Variants in TNFSF4 observed in about 807,000 individuals in gnomAD.
The protein encoded by TNFSF4 is TNF superfamily member 4, also known as tumor necrosis factor ligand superfamily member 4.
TNFSF4 carries 4 observed loss-of-function variants against 7.3 expected under a neutral mutation model. That is an observed-to-expected ratio of 0.55 (90% CI 0.27 to 1.25). The LOEUF (loss-of-function observed/expected upper bound fraction) is 1.25. Among genes scored for constraint, TNFSF4 ranks in the 50% most tolerant of loss-of-function variants. The pLI is 0.12. For synonymous variants in TNFSF4, 76 were observed against 83.7 expected (o/e 0.91, Z 0.50); for missense variants, 181 against 208.8 (o/e 0.87, Z 0.82).
At chr1:173,306,139 TC>T in the TNFSF4 span, among the ~76,000 whole-genome samples, 1 of 151,928 alleles carries the variant, frequency 6.6e-6, no homozygotes, top group South Asian at 2.1e-4. Flanking sequence ...GGAGATTTTT[TC>T]CCCTTTCTTA....
At chr1:173,324,787 AG>A in the TNFSF4 span, among the ~76,000 whole-genome samples, 2 of 152,244 alleles carry the variant, frequency 1.3e-5, no homozygotes, top group Admixed American at 6.5e-5. Flanking sequence ...ATAATGGTAA[AG>A]GGATCAATTC....
the TNFSF4 span, among the ~76,000 whole-genome samples, chr1:173,281,560 T>A: frequency 6.6e-6 from 1 of 152,130 alleles, no homozygotes; most frequent in African/African-American, 2.4e-5. Context: ...CCCTTTAAAT[T>A]ATAAAAATAT....
At chr1:173,223,769 C>T in the TNFSF4 span, among the ~76,000 whole-genome samples, 1 of 151,914 alleles carries the variant, frequency 6.6e-6, no homozygotes, top group Non-Finnish European at 1.5e-5. Context: ...ACAATTCAAA[C>T]GAGTAGGAAA....
At chr1:173,264,317 C>CTTTTTTTTTT in the TNFSF4 span, among the ~76,000 whole-genome samples, 1 of 110,538 alleles carries the variant, frequency 9.0e-6, no homozygotes, top group Non-Finnish European at 1.7e-5. Flanking sequence ...CTGGCTTCTT[C>CTTTTTTTTTT]TTTTTTTTTT....
chr1:173,364,225 G>GTATATATATATATATATA, the TNFSF4 span, among the ~76,000 whole-genome samples: 82 of 143,600 alleles, frequency 5.7e-4, no homozygotes, highest in African/African-American at 1.2e-3. Flanking sequence ...AGAAGACTAG[G>GTATATATATATATATATA]TATATATATA....
At chr1:173,266,595 T>C in the TNFSF4 span, among the ~76,000 whole-genome samples, 126 of 152,296 alleles carry the variant, frequency 8.3e-4, 1 homozygote, top group East Asian at 0.023. Context: ...TTCTTCATGT[T>C]CTCTGTGAAT....
the TNFSF4 span, among the ~76,000 whole-genome samples, chr1:173,330,121 A>G: frequency 6.6e-6 from 1 of 152,184 alleles, no homozygotes; most frequent in Non-Finnish European, 1.5e-5. Flanking sequence ...CAATTTGGAG[A>G]AAAATAGGGA....
the TNFSF4 span, among the ~76,000 whole-genome samples, chr1:173,428,280 G>C: frequency 5.9e-5 from 9 of 152,142 alleles, no homozygotes; most frequent in Non-Finnish European, 1.0e-4. Flanking sequence ...ATCCATAATG[G>C]TTCATCGTTG....
chr1:173,446,586 C>T, the TNFSF4 span, among the ~76,000 whole-genome samples: 1 of 152,060 alleles, frequency 6.6e-6, no homozygotes, highest in African/African-American at 2.4e-5. Context: ...AGTCAGTGGA[C>T]TGGGAGAGGC....
chr1:173,444,997 TGGTCTTTAAA>T, the TNFSF4 span, among the ~76,000 whole-genome samples: 1 of 152,320 alleles, frequency 6.6e-6, no homozygotes, highest in Non-Finnish European at 1.5e-5. Context: ...GTGACAGATG[TGGTCTTTAAA>T]GGGATAGTCA....
At chr1:173,408,920 C>T in the TNFSF4 span, among the ~76,000 whole-genome samples, 1 of 152,054 alleles carries the variant, frequency 6.6e-6, no homozygotes, top group Non-Finnish European at 1.5e-5. Flanking sequence ...TCTCAAAGTA[C>T]CTTCCGTAAA....
chr1:173,188,799 G>A (rs1021843166), intron 1 of TNFSF4, among the ~76,000 whole-genome samples: 5 of 152,002 alleles, frequency 3.3e-5, no homozygotes, highest in Admixed American at 6.6e-5. Flanking sequence ...TGCAGCCTCC[G>A]CCTCCCTGGG....
At chr1:173,182,045 A>G (rs1372923215), downstream of TNFSF4, among the ~76,000 whole-genome samples, 1 of 152,192 alleles carries the variant, frequency 6.6e-6, no homozygotes, top group Admixed American at 6.5e-5. Flanking sequence ...TGCTCCTAAC[A>G]TTCCATTTGA....
chr1:173,433,919 G>A, the TNFSF4 span, among the ~76,000 whole-genome samples: 1 of 152,166 alleles, frequency 6.6e-6, no homozygotes. Flanking sequence ...ATTCAGTAAG[G>A]CTGGTGTCCT....
chr1:173,265,117 T>C, the TNFSF4 span, among the ~76,000 whole-genome samples: 4 of 152,222 alleles, frequency 2.6e-5, no homozygotes, highest in African/African-American at 9.6e-5. Context: ...TCCCTTCTTT[T>C]AGACCCCGCA....
At chr1:173,287,565 AC>A in the TNFSF4 span, among the ~76,000 whole-genome samples, 1 of 152,210 alleles carries the variant, frequency 6.6e-6, no homozygotes, top group Non-Finnish European at 1.5e-5. Context: ...CAATTATACT[AC>A]TGGGCATTTA....
At chr1:173,228,742 G>A in the TNFSF4 span, among the ~76,000 whole-genome samples, 1 of 152,202 alleles carries the variant, frequency 6.6e-6, no homozygotes, top group Non-Finnish European at 1.5e-5. Flanking sequence ...TAAATGACCT[G>A]ATGGAGCTAA....
the TNFSF4 span, among the ~76,000 whole-genome samples, chr1:173,444,300 G>A: frequency 6.6e-6 from 1 of 151,952 alleles, no homozygotes; most frequent in Non-Finnish European, 1.5e-5. Flanking sequence ...ACACGTATCT[G>A]TACACATACT....
the TNFSF4 span, among the ~76,000 whole-genome samples, chr1:173,257,116 C>T: frequency 2.6e-5 from 4 of 152,236 alleles, no homozygotes; most frequent in East Asian, 7.7e-4. Flanking sequence ...TCCAATGCTT[C>T]TACTTCAGAA....
Sources: allele counts gnomAD v4.1 joint callset (sites outside exome capture counted in the v4.1 genomes callset), GRCh38; gene constraint gnomAD v4.1.1; transcripts MANE v1.5; gene names NCBI Gene and HGNC (gene_info 2026-07-23, HGNC 2026-07-21).